The following KLF8 variants were observed in gnomAD, a reference collection of about 807,000 sequenced individuals.
The protein encoded by KLF8 is Krueppel-like factor 8.
In KLF8, 10 loss-of-function variants were observed where a neutral mutation model predicts 18.2. The ratio of observed to expected loss-of-function variants is 0.55; its 90% CI spans 0.34 to 0.93. The LOEUF is 0.93. KLF8 is among the 40% of genes least tolerant of loss of function. The pLI is 0.02. For missense variants in KLF8, 264 were observed against 277.9 expected (o/e 0.95, Z 0.36); for synonymous variants, 109 against 97.3 (o/e 1.12, Z -0.71).
chrX:56,081,552 G>C, the KLF8 span, among the ~76,000 whole-genome samples: 1 of 111,770 alleles, frequency 8.9e-6, no homozygotes, highest in Non-Finnish European at 1.9e-5. Flanking sequence ...ACCCTATTTT[G>C]TTCCTGATTT....
intron 4 of KLF8, 100 bp from the exon 5 acceptor site, chrX:56,270,082 A>G (rs2067031119): frequency 6.4e-5 from 55 of 855,202 alleles, no homozygotes; most frequent in Non-Finnish European, 9.0e-5. Flanking sequence ...ATTCACGTAA[A>G]TTAAAAGCCG....
intron 5 of KLF8, 27 bp from the exon 6 acceptor site, chrX:56,284,286 C>CT (rs745509041): frequency 2.7e-4 from 283 of 1,061,339 alleles, no homozygotes; most frequent in African/African-American, 2.8e-4. Flanking sequence ...CTCTGATTCT[C>CT]TTTTTTTTGT....
the KLF8 span, among the ~76,000 whole-genome samples, chrX:56,139,080 A>T: frequency 2.7e-5 from 3 of 111,565 alleles, no homozygotes; most frequent in African/African-American, 9.8e-5. Context: ...GAAACCTGGG[A>T]AAACAGCTAA....
the KLF8 span, among the ~76,000 whole-genome samples, chrX:56,112,345 T>A: frequency 9.0e-6 from 1 of 110,619 alleles, no homozygotes; most frequent in Admixed American, 9.6e-5. Flanking sequence ...AGTGGGGGGC[T>A]GGGGGAGATA....
the KLF8 span, among the ~76,000 whole-genome samples, chrX:55,976,694 A>G: frequency 9.0e-6 from 1 of 111,245 alleles, no homozygotes; most frequent in East Asian, 2.8e-4. Flanking sequence ...TGGAATTTTC[A>G]TAGGGATTGC....
chrX:56,110,130 C>A, the KLF8 span, among the ~76,000 whole-genome samples: 1 of 111,900 alleles, frequency 8.9e-6, no homozygotes, highest in Non-Finnish European at 1.9e-5. Flanking sequence ...CCTTTTATGG[C>A]TGCATAGTAT....
the KLF8 span, among the ~76,000 whole-genome samples, chrX:56,199,375 C>A: frequency 9.0e-6 from 1 of 111,699 alleles, no homozygotes; most frequent in African/African-American, 3.3e-5. Context: ...CTACAAAGAA[C>A]TCTAACAAAT....
chrX:56,077,323 G>C, the KLF8 span, among the ~76,000 whole-genome samples: 1 of 111,935 alleles, frequency 8.9e-6, no homozygotes, highest in Non-Finnish European at 1.9e-5. Context: ...TTTGTACAAG[G>C]TGTAAGGAAG....
the KLF8 span, among the ~76,000 whole-genome samples, chrX:55,927,924 A>C: frequency 6.2e-5 from 7 of 112,202 alleles, no homozygotes; most frequent in Non-Finnish European, 1.3e-4. Context: ...TAACTATGAT[A>C]CATTTGTCAA....
chrX:56,103,269 G>A, the KLF8 span, among the ~76,000 whole-genome samples: 6 of 110,818 alleles, frequency 5.4e-5, no homozygotes, highest in Non-Finnish European at 7.6e-5. Flanking sequence ...TAGCTTGATG[G>A]GGATAGCATT....
the KLF8 span, among the ~76,000 whole-genome samples, chrX:56,109,021 C>G: frequency 9.0e-6 from 1 of 111,548 alleles, no homozygotes; most frequent in East Asian, 2.8e-4. Context: ...GTGTTGATTT[C>G]TAGTTCATTT....
Position 56,290,720 on chromosome X carries a change from T to TA in KLF8, c.*6227dup, listed in dbSNP as rs1486941789. ...CACTTATATTTTCTCTTTCCCAACT[T>TA]ACTTTACTCTGAATAGTATAGGTAG... On this transcript the variant is annotated 3_prime_UTR_variant, in exon 6 of 6. Coordinates refer to ENST00000468660, the MANE Select transcript of KLF8 (RefSeq NM_007250.5). 1.8e-5 allele frequency among the ~76,000 whole-genome samples: 2 copies of TA among 110,998 alleles called. No homozygotes were observed. The highest frequency in any genetic ancestry group is 3.8e-5 in the Non-Finnish European group (2 of 52,914).
At chrX:56,058,197 TATATATACAC>T in the KLF8 span, among the ~76,000 whole-genome samples, 2 of 88,740 alleles carry the variant, frequency 2.3e-5, no homozygotes, top group Admixed American at 1.3e-4. Flanking sequence ...TATATACATA[TATATATACAC>T]ATATATATAC....
At chrX:56,115,638 A>G in the KLF8 span, among the ~76,000 whole-genome samples, 2 of 111,724 alleles carry the variant, frequency 1.8e-5, no homozygotes, top group South Asian at 7.5e-4. Context: ...ATGTAGTAAA[A>G]TATCTTTCAG....
chrX:56,185,394 C>A, the KLF8 span, among the ~76,000 whole-genome samples: 1 of 112,298 alleles, frequency 8.9e-6, no homozygotes, highest in South Asian at 3.7e-4. Context: ...AAATCTACAT[C>A]TGATTGGTGT....
At chrX:56,068,227 A>C in the KLF8 span, among the ~76,000 whole-genome samples, 1 of 111,344 alleles carries the variant, frequency 9.0e-6, no homozygotes, top group Non-Finnish European at 1.9e-5. Flanking sequence ...GGATGGTGCC[A>C]CTTCCTGTTG....
the KLF8 span, among the ~76,000 whole-genome samples, chrX:55,977,087 T>A: frequency 8.9e-6 from 1 of 112,299 alleles, no homozygotes; most frequent in African/African-American, 3.2e-5. Flanking sequence ...CTTTTTACTT[T>A]ATGATTTTGA....
chrX:56,038,301 C>T, the KLF8 span, among the ~76,000 whole-genome samples: 1 of 111,564 alleles, frequency 9.0e-6, no homozygotes, highest in African/African-American at 3.3e-5. Context: ...TGGTGGTTTG[C>T]TACACAGATT....
the KLF8 span, among the ~76,000 whole-genome samples, chrX:55,950,726 C>T: frequency 8.1e-5 from 9 of 111,684 alleles, no homozygotes; most frequent in African/African-American, 2.6e-4. Context: ...TTGAACCTCT[C>T]TTATGGCACT....
Sources: allele counts gnomAD v4.1 joint callset (sites outside exome capture counted in the v4.1 genomes callset), GRCh38; gene constraint gnomAD v4.1.1; transcripts MANE v1.5; gene names NCBI Gene and HGNC (gene_info 2026-07-23, HGNC 2026-07-21).